RALB: variants seen among roughly 807,000 people sequenced by gnomAD.
The protein encoded by RALB is RAS like proto-oncogene B.
RALB carries 16 observed loss-of-function variants against 21.3 expected under a neutral mutation model. That is an observed-to-expected ratio of 0.75 (90% CI 0.51 to 1.14). The LOEUF is 1.14. RALB is among the 50% of genes most tolerant of loss of function. RALB has a pLI of 0.00. For synonymous variants in RALB, 93 were observed against 96.1 expected (o/e 0.97, Z 0.19); for missense variants, 161 against 256.2 (o/e 0.63, Z 2.54).
At chr2:120,263,811 T>C (rs1242820136) in intron 1 of RALB, among the ~76,000 whole-genome samples, 2 of 152,096 alleles carry the variant, frequency 1.3e-5, no homozygotes, top group Non-Finnish European at 2.9e-5. Context: ...ATTATAGGCA[T>C]GAGCCACTGC....
intron 4 of RALB, among the ~76,000 whole-genome samples, chr2:120,292,059 G>T (rs1690317908): frequency 6.6e-6 from 1 of 152,198 alleles, no homozygotes; most frequent in Admixed American, 6.5e-5. Flanking sequence ...GTCTGCTTGG[G>T]TATAATCAGT....
chr2:120,246,433 CCGGG>C (rs1248298517), intron 1 of RALB, among the ~76,000 whole-genome samples: 1 of 152,176 alleles, frequency 6.6e-6, no homozygotes, highest in Non-Finnish European at 1.5e-5. Flanking sequence ...CTCTCTGAGA[CCGGG>C]GGTCTCCTCT....
At position 120,278,843 on chromosome 2, in the gene RALB, C is replaced by T. The variant is rs898606548; in HGVS notation, c.114+65C>T. On this transcript the variant is annotated intron_variant, in intron 2 of 4. Transcript: ENST00000272519. ...GGCCGTAGCAGTGTCCCTGCTCCCG[C>T]TGTTTCTGTGCCGGTCCTCCCGTAC... 8.6e-6 allele frequency: 12 copies of T among 1,389,788 alleles called. No homozygotes were observed. In the African/African-American group the frequency reaches 1.8e-4, roughly 20 times the overall value. 86.1% of individuals were successfully genotyped at this position (1,389,788 alleles called of 1,614,324 possible).
At chr2:120,240,171 T>C in intron 1 of RALB, 1 of 1,288,782 alleles carries the variant, frequency 7.8e-7, no homozygotes, top group Non-Finnish European at 1.0e-6. Context: ...AGCCCCACAG[T>C]GACCTTGTGA....
intron 2 of RALB, among the ~76,000 whole-genome samples, chr2:120,283,855 G>A (rs558189886): frequency 6.6e-6 from 1 of 152,330 alleles, no homozygotes; most frequent in South Asian, 2.1e-4. Context: ...GTGATTTTCT[G>A]TTTCCAGCTG....
chr2:120,292,937 C>G (rs1206356891), intron 4 of RALB, among the ~76,000 whole-genome samples: 2 of 152,074 alleles, frequency 1.3e-5, no homozygotes. Flanking sequence ...CTTATTTGCC[C>G]CAGAGCTATT....
At chr2:120,290,634 T>C (rs995067629) in intron 4 of RALB, among the ~76,000 whole-genome samples, 1 of 150,714 alleles carries the variant, frequency 6.6e-6, no homozygotes, top group Non-Finnish European at 1.5e-5. Flanking sequence ...TGGGATCTCT[T>C]TTTTTTTTTT....
intron 1 of RALB, among the ~76,000 whole-genome samples, chr2:120,267,520 G>C (rs183911152): frequency 3.9e-5 from 6 of 152,262 alleles, no homozygotes; most frequent in Admixed American, 3.9e-4. Flanking sequence ...TCAGGCCAGG[G>C]TCTGGGTATG....
At chr2:120,252,683 T>G, upstream of RALB, 16 of 694,620 alleles carry the variant, frequency 2.3e-5, no homozygotes, top group Non-Finnish European at 2.7e-5. Context: ...CAGCTTCTCA[T>G]TGGTGAAACC....
At chr2:120,276,960 G>T (rs1689813483) in intron 1 of RALB, among the ~76,000 whole-genome samples, 1 of 152,186 alleles carries the variant, frequency 6.6e-6, no homozygotes, top group Non-Finnish European at 1.5e-5. Context: ...TGGTATATGT[G>T]AAATAGATTT....
chr2:120,273,778 A>C (rs1440215122), intron 1 of RALB, among the ~76,000 whole-genome samples: 1 of 152,168 alleles, frequency 6.6e-6, no homozygotes, highest in Admixed American at 6.5e-5. Context: ...CAAAGTCTGG[A>C]GGTTGCTGTT....
intron 1 of RALB, among the ~76,000 whole-genome samples, chr2:120,263,950 C>T (rs1321678798): frequency 5.9e-5 from 9 of 152,056 alleles, no homozygotes; most frequent in Non-Finnish European, 8.8e-5. Flanking sequence ...AGGGTTCTAG[C>T]GATTCTCCCT....
chr2:120,247,036 G>A (rs1389375333), intron 1 of RALB, among the ~76,000 whole-genome samples: 1 of 152,324 alleles, frequency 6.6e-6, no homozygotes, highest in Non-Finnish European at 1.5e-5. Flanking sequence ...TCGCAATGGA[G>A]TACTTCGCAG....
chr2:120,275,625 G>A (rs972182590), intron 1 of RALB, among the ~76,000 whole-genome samples: 3 of 151,952 alleles, frequency 2.0e-5, no homozygotes, highest in East Asian at 3.9e-4. Flanking sequence ...GTTTTATTTC[G>A]CCCAGTGATG....
rs1382903444 is a variant in RALB at position 120,278,742 on chromosome 2, C to T, written c.78C>T (p.Gly26=). 3 of 1,591,180 alleles carry T rather than the reference C, an allele frequency of 1.9e-6. No individual in the cohort carries two copies. Among genetic ancestry groups the T allele is most frequent in the South Asian group, 2.3e-5 (2 of 87,902 alleles). ...TCATGGTTGGCAGCGGAGGCGTTGG[C>T]AAGTCAGCCCTGACGCTTCAGTTCA... ...KVIMVGSGGV[G]KSALTLQFMY... Residue 26 remains glycine, a synonymous_variant, in exon 2 of 5, where the codon GGC becomes GGT. Coordinates refer to ENST00000272519, the MANE Select transcript of RALB (RefSeq NM_002881.3).
chr2:120,267,399 GA>G (rs1287376795), intron 1 of RALB, among the ~76,000 whole-genome samples: 1 of 76,268 alleles, frequency 1.3e-5, no homozygotes, highest in Non-Finnish European at 2.9e-5. Context: ...TATAGACATG[GA>G]AAGTTGAGTC....
At chr2:120,264,777 C>A (rs539479832) in intron 1 of RALB, among the ~76,000 whole-genome samples, 2 of 152,322 alleles carry the variant, frequency 1.3e-5, no homozygotes, top group South Asian at 2.1e-4. Context: ...TCCCCCACCC[C>A]CTGGCAGCCG....
intron 1 of RALB, among the ~76,000 whole-genome samples, chr2:120,258,231 C>T (rs115937495): frequency 0.011 from 1,725 of 152,324 alleles, 32 homozygotes; most frequent in African/African-American, 0.038. Flanking sequence ...TGAATGATCC[C>T]GCCCTTCCTT....
At chr2:120,280,561 G>A (rs999173477) in intron 2 of RALB, among the ~76,000 whole-genome samples, 1 of 129,736 alleles carries the variant, frequency 7.7e-6, no homozygotes, top group Non-Finnish European at 1.6e-5. Context: ...GGGGCGGGGG[G>A]CAAGGGGAGG....
Sources: allele counts gnomAD v4.1 joint callset (sites outside exome capture counted in the v4.1 genomes callset), GRCh38; gene constraint gnomAD v4.1.1; transcripts MANE v1.5; gene names NCBI Gene and HGNC (gene_info 2026-07-23, HGNC 2026-07-21).